MICAL2: variants seen among roughly 807,000 people sequenced by gnomAD.
MICAL2 encodes microtubule associated monooxygenase, calponin and LIM domain containing 2, also known as [F-actin]-monooxygenase MICAL2.
MICAL2 carries 77 observed loss-of-function variants against 127.3 expected under a neutral mutation model. That is an observed-to-expected ratio of 0.60 (90% CI 0.50 to 0.73). MICAL2 has a LOEUF of 0.73. MICAL2 is among the 30% of genes least tolerant of loss of function. MICAL2 has a pLI of 0.00. For missense variants in MICAL2, 1,351 were observed against 1,434.4 expected (o/e 0.94, Z 0.94); for synonymous variants, 570 against 551.1 (o/e 1.03, Z -0.48).
In MICAL2 at chr11:12,235,350, T is replaced by G. The variant is rs138830360; in HGVS notation, c.1996-827T>G. Among the ~76,000 whole-genome samples, 492 of 152,302 alleles carry G rather than the reference T, an allele frequency of 3.2e-3. 8 individuals are homozygous for G. Among genetic ancestry groups the G allele is most frequent in the Non-Finnish European group, 3.4e-3 (233 of 68,020 alleles). On this transcript the variant is annotated intron_variant, in intron 15 of 27. Coordinates refer to ENST00000683283, the MANE Select transcript of MICAL2 (RefSeq NM_001282663.2). ...TGGGCTTGGGTAGAGCAGGGCTTTC[T>G]GGATTTCAATGCCCAGATGCAGGCA...
intron 3 of MICAL2, among the ~76,000 whole-genome samples, chr11:12,171,001 CT>C: frequency 6.6e-6 from 1 of 152,142 alleles, no homozygotes; most frequent in African/African-American, 2.4e-5. Context: ...TGTTTCCAAG[CT>C]TTGATGGTGG....
rs951762866 is a variant in MICAL2, at chr11:12,324,173, G to A, written c.5421+103G>A. ...GGTCTGCATTGTATTAGGGAAAGCA[G>A]GCTGGAGAAAGGTCAGTCTTGTTCT... On this transcript the variant is annotated intron_variant, in intron 31 of 34. Coordinates refer to the MICAL2 transcript ENST00000646065. 19 of 1,370,012 alleles carry A rather than the reference G, an allele frequency of 1.4e-5. No individual in the cohort carries two copies. The Admixed American group carries it at 4.1e-4, about 30-fold the overall frequency. The allele number at this position is 1,370,012 out of a possible 1,614,324, so 84.9% of individuals were successfully genotyped here.
intron 3 of MICAL2, among the ~76,000 whole-genome samples, chr11:12,170,927 G>T (rs1856170944): frequency 8.5e-5 from 13 of 152,372 alleles, no homozygotes; most frequent in African/African-American, 3.1e-4. Flanking sequence ...GATGCACAGG[G>T]ATAGAGGAGC....
At chr11:12,313,393 CAGG>C (rs1307784345) in intron 29 of MICAL2, among the ~76,000 whole-genome samples, 1 of 151,966 alleles carries the variant, frequency 6.6e-6, no homozygotes, top group African/African-American at 2.4e-5. Flanking sequence ...GCCAGGAGAG[CAGG>C]AGAAGGTCAG....
At chr11:12,243,956 T>A (rs192196821) in intron 20 of MICAL2, 31 bp from the exon 21 acceptor site, 1 of 1,612,310 alleles carries the variant, frequency 6.2e-7, no homozygotes, top group Admixed American at 1.7e-5. Context: ...CCTGGGATAA[T>A]CCTTGTTTCT....
At chr11:12,126,034 C>G (rs1399401791) in intron 1 of MICAL2, among the ~76,000 whole-genome samples, 1 of 152,182 alleles carries the variant, frequency 6.6e-6, no homozygotes, top group African/African-American at 2.4e-5. Flanking sequence ...GGTCCCAGCC[C>G]ACTTACCTTG....
intron 32 of MICAL2, among the ~76,000 whole-genome samples, chr11:12,330,819 GAGGGAGAGACAGAC>G (rs1864409753): frequency 2.0e-5 from 3 of 150,252 alleles, no homozygotes; most frequent in Admixed American, 2.0e-4. Context: ...GAGAGAGAGA[GAGGGAGAGACAGAC>G]AGAGAGAGAG....
Position 12,242,231 on chromosome 11 carries a change from G to C in MICAL2, c.2355G>C (p.Val785=), listed in dbSNP as rs1469628431. ...TTTCCCAGTTCCCCTCTGTGGTCGT[G>C]ACGGGGCACGTGCTCAGAGAGCTCA... ...PLKRQFPSVV[V]TGHVLRELKQ... Residue 785 remains valine (V), a synonymous_variant, in exon 19 of 28, where the codon GTG becomes GTC. Coordinates refer to ENST00000683283, the MANE Select transcript of MICAL2 (RefSeq NM_001282663.2). 1 of 1,608,606 alleles carries C rather than the reference G, an allele frequency of 6.2e-7. No homozygotes were observed. The highest frequency in any genetic ancestry group is 8.5e-7 in the Non-Finnish European group (1 of 1,175,690).
intron 8 of MICAL2, among the ~76,000 whole-genome samples, chr11:12,217,341 C>T (rs966700413): frequency 1.1e-4 from 16 of 152,140 alleles, no homozygotes; most frequent in Non-Finnish European, 2.1e-4. Context: ...CCAGCCACCC[C>T]GTGGGCCTTC....
intron 12 of MICAL2, 80 bp downstream of exon 12, chr11:12,223,581 C>T (rs1053807088): frequency 5.4e-6 from 7 of 1,292,220 alleles, no homozygotes; most frequent in South Asian, 3.6e-5. Context: ...ACCGTGGTGA[C>T]ACAGGCACTG....
At position 12,261,412 on chromosome 11, in the gene MICAL2, C is replaced by T. The variant is rs572238473; in HGVS notation, c.3335-1068C>T. ...TAAGGGTAAAAATGAGCATGCAGGT[C>T]CACCTGTGTTCTTACTCTGGGTATC... On this transcript the variant is annotated intron_variant, in intron 26 of 27. Coordinates refer to ENST00000683283, the MANE Select transcript of MICAL2 (RefSeq NM_001282663.2). 9.1e-5 allele frequency: 90 copies of T among 985,450 alleles called. 2 individuals are homozygous for T. The South Asian group carries it at 3.5e-3, about 39-fold the overall frequency. 61.0% of individuals were successfully genotyped at this position (985,450 alleles called of 1,614,324 possible).
intron 3 of MICAL2, among the ~76,000 whole-genome samples, chr11:12,195,699 AGATT>A (rs1213561667): frequency 7.8e-6 from 1 of 128,006 alleles, no homozygotes; most frequent in Non-Finnish European, 1.6e-5. Context: ...TTTCTGCAAT[AGATT>A]TCTTTTTTTT....
chr11:12,354,694 G>C (rs1939105125), intron 33 of MICAL2: 1 of 1,006,798 alleles, frequency 9.9e-7, no homozygotes, highest in Non-Finnish European at 1.5e-6. Context: ...TAGGAAAAAA[G>C]AATGCTGTAG....
Position 12,256,776 on chromosome 11 carries a change from G to C in MICAL2, c.2956-9G>C. ...CATAATACACCCACTCTTCTCTCCC[G>C]ATCCCCAGGAATCTATGCGAAAGTC... On this transcript the variant is annotated splice_polypyrimidine_tract_variant and intron_variant, in intron 23 of 27. Transcript: ENST00000683283. 6.2e-7 allele frequency: 1 copy of C among 1,602,354 alleles called. No individual in the cohort carries two copies. The highest frequency in any genetic ancestry group is 8.5e-7 in the Non-Finnish European group (1 of 1,173,028).
chr11:12,328,531 G>C (rs1864379752), intron 32 of MICAL2, among the ~76,000 whole-genome samples: 5 of 152,198 alleles, frequency 3.3e-5, no homozygotes, highest in Admixed American at 3.3e-4. Flanking sequence ...AAATGAGCTA[G>C]TGAAGGGTTT....
At chr11:12,342,722 A>G (rs1182904175) in intron 32 of MICAL2, among the ~76,000 whole-genome samples, 2 of 152,224 alleles carry the variant, frequency 1.3e-5, no homozygotes, top group African/African-American at 2.4e-5. Context: ...GGTAGGTACT[A>G]TCATCACCAT....
At chr11:12,302,668 G>C (rs1010480261) in intron 29 of MICAL2, among the ~76,000 whole-genome samples, 1 of 151,846 alleles carries the variant, frequency 6.6e-6, no homozygotes, top group Non-Finnish European at 1.5e-5. Context: ...ATAAACAGAA[G>C]TACCTTTTTT....
At chr11:12,150,455 G>A (rs945136232) in intron 2 of MICAL2, among the ~76,000 whole-genome samples, 9 of 151,884 alleles carry the variant, frequency 5.9e-5, no homozygotes, top group African/African-American at 2.2e-4. Context: ...AACAAAAAAT[G>A]CACACAAAAC....
chr11:12,117,782 G>A (rs1274870360), intron 1 of MICAL2, among the ~76,000 whole-genome samples: 1 of 152,202 alleles, frequency 6.6e-6, no homozygotes, highest in Non-Finnish European at 1.5e-5. Context: ...TGATGCAAAG[G>A]TAGTAAGATC....
Sources: allele counts gnomAD v4.1 joint callset (sites outside exome capture counted in the v4.1 genomes callset), GRCh38; gene constraint gnomAD v4.1.1; transcripts MANE v1.5; gene names NCBI Gene and HGNC (gene_info 2026-07-23, HGNC 2026-07-21).